Variants in KATNA1 observed in about 807,000 individuals in gnomAD.
KATNA1 encodes katanin catalytic subunit A1.
Under a neutral mutation model 62.6 loss-of-function variants are expected in KATNA1, and 42 were observed. The ratio of observed to expected loss-of-function variants is 0.67; its 90% CI spans 0.52 to 0.87. KATNA1 has a LOEUF of 0.87. Among genes scored for constraint, KATNA1 ranks in the 40% least tolerant of loss-of-function variants. The probability of loss-of-function intolerance (pLI) is 0.00; values close to 1 mark genes in which losing one functional copy is unlikely to be tolerated. For synonymous variants in KATNA1, 186 were observed against 201.9 expected, an observed-to-expected ratio of 0.92 and a Z score of 0.67; for missense variants, 498 against 612.5, an observed-to-expected ratio of 0.81 and a Z score of 1.97.
At chr6:149,614,869 C>T (rs1020975164) in intron 4 of KATNA1, among the ~76,000 whole-genome samples, 1 of 152,186 alleles carries the variant, frequency 6.6e-6, no homozygotes, top group African/African-American at 2.4e-5. Context: ...AGCGCAGTGG[C>T]TCACGCCTGT....
intron 3 of KATNA1, among the ~76,000 whole-genome samples, 185 bp from the exon 4 acceptor site, chr6:149,623,468 G>C (rs1392837131): frequency 6.6e-6 from 1 of 152,168 alleles, no homozygotes; most frequent in African/African-American, 2.4e-5. Context: ...AAGGCGCGGT[G>C]GCTCACACCT....
intron 3 of KATNA1, among the ~76,000 whole-genome samples, chr6:149,629,438 G>C (rs955617075): frequency 3.3e-5 from 5 of 152,074 alleles, no homozygotes; most frequent in African/African-American, 9.7e-5. Context: ...CTTGATCTTG[G>C]ACTTCCCGGC....
At chr6:149,603,197 G>C in intron 6 of KATNA1, 71 bp downstream of exon 6, 1 of 648,278 alleles carries the variant, frequency 1.5e-6, no homozygotes, top group African/African-American at 1.9e-5. Flanking sequence ...TCCCAATATA[G>C]ATAAATATTG....
chr6:149,601,642 G>A lies in KATNA1; in HGVS notation c.840C>T (p.Ser280=). The part of the protein sequence containing the change: ...FFNVSSSTLT[S]KYRGESEKLV... ...GCTTCTCAGATTCTCCTCTGTATTT[G>A]GAAGTCAAAGTTGATGAAGAGACAT... Residue 280 remains serine, a synonymous_variant, in exon 7 of 11, where the codon TCC becomes TCT. Transcript: ENST00000367411. 6.2e-7 allele frequency: 1 copy of A among 1,612,542 alleles called. No homozygotes were observed.
chr6:149,611,861 T>C (rs564646253), intron 4 of KATNA1, among the ~76,000 whole-genome samples: 69 of 152,020 alleles, frequency 4.5e-4, no homozygotes, highest in Middle Eastern at 6.8e-3. Context: ...TAGCCGGGTG[T>C]GGTGGCGGGC....
intron 4 of KATNA1, among the ~76,000 whole-genome samples, chr6:149,610,293 A>C (rs1778899751): frequency 6.7e-6 from 1 of 150,250 alleles, no homozygotes; most frequent in African/African-American, 2.4e-5. Context: ...CAGAGATCCT[A>C]TCTCAAAAAA....
intron 3 of KATNA1, among the ~76,000 whole-genome samples, chr6:149,629,814 GA>G (rs964551660): frequency 7.6e-4 from 116 of 152,192 alleles, no homozygotes; most frequent in African/African-American, 2.7e-3. Flanking sequence ...AAACTGCAGA[GA>G]AAAAGATCTG....
In KATNA1 at chr6:149,598,330, G is replaced by A. The variant is rs536427123; in HGVS notation, c.909C>T (p.Ala303=). The change falls in exon 8 of 11, where the codon GCC becomes GCT. Residue 303 remains alanine (A), a synonymous_variant. Coordinates refer to ENST00000367411, the MANE Select transcript of KATNA1 (RefSeq NM_007044.4). ...LFEMARFYSP[A]TIFIDEIDSI... is the part of the protein sequence containing the mutation. ...AGTCTATCTCATCAATAAATATGGT[G>A]GCTGGAGAATAAAATCGAGCCTAAA... 3 of 1,613,746 alleles carry A rather than the reference G, an allele frequency of 1.9e-6. No homozygotes were observed. Among genetic ancestry groups the A allele is most frequent in the Admixed American group, 1.7e-5 (1 of 59,964 alleles).
intron 4 of KATNA1, among the ~76,000 whole-genome samples, chr6:149,616,873 A>G (rs1373102760): frequency 6.6e-6 from 1 of 152,234 alleles, no homozygotes; most frequent in Non-Finnish European, 1.5e-5. Flanking sequence ...TCAAAGCAGC[A>G]TTATTCACAA....
At chr6:149,646,257 G>T (rs1780484536) in intron 1 of KATNA1, among the ~76,000 whole-genome samples, 1 of 152,082 alleles carries the variant, frequency 6.6e-6, no homozygotes, top group Non-Finnish European at 1.5e-5. Context: ...TCTTTGCTTA[G>T]TAAGAGAAGA....
intron 3 of KATNA1, among the ~76,000 whole-genome samples, chr6:149,627,550 T>A (rs1183996986): frequency 1.2e-3 from 155 of 130,676 alleles, no homozygotes; most frequent in African/African-American, 4.8e-3. Flanking sequence ...AAAAAAAAAA[T>A]TGTTGGGTAA....
Position 149,623,212 on chromosome 6 carries a change from C to T in KATNA1, c.392G>A (p.Ser131Asn), listed in dbSNP as rs1434375435. The T allele has an allele frequency of 6.2e-7, 1 of 1,613,654 alleles. No individual in the cohort carries two copies. The highest frequency in any genetic ancestry group is 1.7e-5 in the Admixed American group (1 of 59,930). ...TGAACGGTGAACTCTGACAGTTGTA[C>T]TTGGACGATTACCATGTGATTTAGG... The part of the protein sequence containing the change: ...SDPKSHGNRP[S>N]TTVRVHRSSA... Residue 131 changes from serine (S) to asparagine (N), a missense_variant, in exon 4 of 11, where the codon AGT (serine) becomes AAT (asparagine). Ser to Asn is a conservative substitution (Grantham distance 46, BLOSUM62 1). Transcript: ENST00000367411.
intron 1 of KATNA1, among the ~76,000 whole-genome samples, chr6:149,641,663 A>G (rs1409584753): frequency 1.3e-5 from 2 of 152,334 alleles, no homozygotes; most frequent in East Asian, 3.9e-4. Flanking sequence ...TTTACCTACA[A>G]TGCATCAAGA....
In KATNA1 at chr6:149,628,881, T is replaced by A. The variant is rs147416295; in HGVS notation, c.320+3878A>T. Among the ~76,000 whole-genome samples the A allele has an allele frequency of 1.8e-3, 265 of 146,262 alleles. 1 individual carries two copies. Among genetic ancestry groups the A allele is most frequent in the African/African-American group, 6.3e-3 (252 of 39,850 alleles). ...AAGCATGAGTACAAATAAAGACTAA[T>A]AGAAAAATAAAAAGAATATTAAAAG... On this transcript the variant is annotated intron_variant, in intron 3 of 10. Coordinates refer to ENST00000367411, the MANE Select transcript of KATNA1 (RefSeq NM_007044.4).
chr6:149,613,222 A>G (rs573113080), intron 4 of KATNA1, among the ~76,000 whole-genome samples: 298 of 126,284 alleles, frequency 2.4e-3, no homozygotes, highest in Non-Finnish European at 3.9e-3. Flanking sequence ...AAAAAAGAAC[A>G]TCTACAAAAA....
chr6:149,601,569 CATT>C (rs1262587319), intron 7 of KATNA1, 22 bp downstream of exon 7: 11 of 1,575,042 alleles, frequency 7.0e-6, no homozygotes, highest in Admixed American at 3.7e-5. Flanking sequence ...GGTAAAGAAT[CATT>C]AGAGCTGTCT....
upstream of KATNA1, chr6:149,648,968 G>A (rs1780591295): frequency 6.6e-6 from 1 of 152,232 alleles, no homozygotes. Flanking sequence ...ACACACCGAG[G>A]TCAGGTGTCT....
chr6:149,597,226 A>C, intron 9 of KATNA1, 37 bp from the exon 10 acceptor site: 1 of 1,604,668 alleles, frequency 6.2e-7, no homozygotes, highest in Non-Finnish European at 8.5e-7. Flanking sequence ...GTAAGCCTGC[A>C]GCATAAACAT....
chr6:149,615,132 C>CAAAAAA (rs893824279), intron 4 of KATNA1, among the ~76,000 whole-genome samples: 1 of 45,636 alleles, frequency 2.2e-5, no homozygotes, highest in African/African-American at 8.1e-5. Flanking sequence ...GACTCTGTCT[C>CAAAAAA]AAAAAAAAAA....
Sources: gnomAD v4.1 joint callset for allele counts (sites outside exome capture counted in the v4.1 genomes callset) on GRCh38, gnomAD v4.1.1 for gene constraint, MANE v1.5 for transcripts, NCBI Gene and HGNC (gene_info 2026-07-23, HGNC 2026-07-21) for gene names.